The following SORCS3 variants were observed in gnomAD, a reference collection of about 807,000 sequenced individuals.
The protein encoded by SORCS3 is sortilin related VPS10 domain containing receptor 3.
Under a neutral mutation model 146.3 loss-of-function variants are expected in SORCS3, and 57 were observed. The observed-to-expected ratio is 0.39, with a 90% confidence interval of 0.31 to 0.49. The LOEUF is 0.49. Ranked by LOEUF, SORCS3 falls within the 20% of genes least tolerant of loss-of-function variation. The pLI is 0.92. For missense variants in SORCS3, 1,341 were observed against 1,575.5 expected (o/e 0.85, Z 2.52); for synonymous variants, 653 against 618.5 (o/e 1.06, Z -0.83).
At chr10:104,747,030 A>G (rs186813161) in intron 1 of SORCS3, among the ~76,000 whole-genome samples, 1 of 152,338 alleles carries the variant, frequency 6.6e-6, no homozygotes, top group East Asian at 1.9e-4. Flanking sequence ...GCAGGGATTC[A>G]ACTCCAAGTC....
chr10:104,867,316 T>C (rs1490632023), intron 2 of SORCS3, among the ~76,000 whole-genome samples: 9 of 151,456 alleles, frequency 5.9e-5, no homozygotes, highest in Non-Finnish European at 1.2e-4. Flanking sequence ...ACAATTTTTT[T>C]TTTTTTTTTT....
intron 4 of SORCS3, among the ~76,000 whole-genome samples, chr10:105,036,046 C>T (rs1421952091): frequency 1.3e-5 from 2 of 152,122 alleles, no homozygotes; most frequent in Non-Finnish European, 2.9e-5. Flanking sequence ...CACTTCTGCT[C>T]TTTTTCTCTT....
intron 20 of SORCS3, among the ~76,000 whole-genome samples, chr10:105,241,205 C>T (rs943380218): frequency 5.3e-5 from 8 of 152,172 alleles, no homozygotes; most frequent in South Asian, 2.1e-4. Context: ...TCACTGAACT[C>T]GCAGCAGTGG....
chr10:105,121,391 T>G (rs1374527538), intron 7 of SORCS3, among the ~76,000 whole-genome samples: 1 of 152,178 alleles, frequency 6.6e-6, no homozygotes, highest in African/African-American at 2.4e-5. Context: ...CAGTGAAATA[T>G]AGGTAATCAC....
Position 104,642,022 on chromosome 10 carries a change from G to C in SORCS3, c.627+68G>C. ...CGAAGGGGAATGGGGGGGTGGGTGG[G>C]AGCGAGGGACAGATAGTTGCTCGGG... On this transcript the variant is annotated intron_variant, in intron 1 of 26. Coordinates refer to ENST00000369701, the MANE Select transcript of SORCS3 (RefSeq NM_014978.3). The C allele has an allele frequency of 5.8e-5, 10 of 173,328 alleles. 1 individual carries two copies. The highest frequency in any genetic ancestry group is 7.8e-5 in the Non-Finnish European group (7 of 89,786). The allele number at this position is 173,328 out of a possible 1,614,324, so 10.7% of individuals were successfully genotyped here.
chr10:104,883,982 G>GGA (rs201737188), intron 2 of SORCS3, among the ~76,000 whole-genome samples: 84 of 151,846 alleles, frequency 5.5e-4, no homozygotes, highest in African/African-American at 1.9e-3. Context: ...GAATGAGGGG[G>GGA]GGGAAAGGGT....
intron 1 of SORCS3, among the ~76,000 whole-genome samples, chr10:104,785,933 T>C (rs1181621394): frequency 1.3e-5 from 2 of 152,236 alleles, no homozygotes; most frequent in African/African-American, 2.4e-5. Flanking sequence ...CGCATGGACC[T>C]GTGGTGTTAG....
intron 11 of SORCS3, among the ~76,000 whole-genome samples, chr10:105,163,916 AC>A: frequency 6.6e-6 from 1 of 150,398 alleles, no homozygotes; most frequent in African/African-American, 2.5e-5. Context: ...ACACACACAC[AC>A]ACACCAGTTT....
At chr10:104,664,526 C>A (rs1289617266) in intron 1 of SORCS3, 1 of 152,174 alleles carries the variant, frequency 6.6e-6, no homozygotes, top group Admixed American at 6.5e-5. Flanking sequence ...CAGCCATGTC[C>A]TGCTTATGTC....
intron 3 of SORCS3, among the ~76,000 whole-genome samples, chr10:104,968,614 A>G (rs556171462): frequency 4.2e-4 from 64 of 152,330 alleles, no homozygotes; most frequent in African/African-American, 1.4e-3. Context: ...AGAATGATGA[A>G]CAAAACAAAA....
intron 1 of SORCS3, among the ~76,000 whole-genome samples, chr10:104,792,281 G>A (rs955570598): frequency 2.0e-5 from 3 of 152,160 alleles, no homozygotes; most frequent in South Asian, 2.1e-4. Context: ...GATGTCTCTG[G>A]GCAGTAGGGC....
At chr10:105,243,758 C>G (rs1169575266) in intron 20 of SORCS3, among the ~76,000 whole-genome samples, 2 of 152,128 alleles carry the variant, frequency 1.3e-5, no homozygotes, top group East Asian at 1.9e-4. Context: ...CTGCCCAACT[C>G]CAGCCATCAA....
At chr10:105,117,629 C>G (rs934826034) in intron 7 of SORCS3, among the ~76,000 whole-genome samples, 2 of 152,142 alleles carry the variant, frequency 1.3e-5, no homozygotes, top group Admixed American at 6.5e-5. Context: ...GTAAAACTTT[C>G]TTTGAACCTA....
chr10:105,162,018 G>A (rs1002398067), intron 11 of SORCS3, among the ~76,000 whole-genome samples: 3 of 152,044 alleles, frequency 2.0e-5, no homozygotes, highest in African/African-American at 4.8e-5. Flanking sequence ...CCCCTGCAGG[G>A]GCAAGTTGCT....
chr10:104,701,525 C>T (rs920568486), intron 1 of SORCS3, among the ~76,000 whole-genome samples: 12 of 152,176 alleles, frequency 7.9e-5, no homozygotes, highest in South Asian at 2.1e-4. Context: ...GTGAGCCCAA[C>T]GGATCGTAGC....
chr10:104,996,429 G>A (rs2055027734), intron 4 of SORCS3, among the ~76,000 whole-genome samples: 1 of 151,826 alleles, frequency 6.6e-6, no homozygotes, highest in South Asian at 2.1e-4. Context: ...CTTTTAATCA[G>A]GTTTATTCCT....
intron 1 of SORCS3, among the ~76,000 whole-genome samples, chr10:104,831,420 A>G (rs533403548): frequency 6.6e-6 from 1 of 152,298 alleles, no homozygotes; most frequent in African/African-American, 2.4e-5. Context: ...TTACCCCAAA[A>G]GTGATGGAAG....
At chr10:104,789,982 C>T (rs947341847) in intron 1 of SORCS3, among the ~76,000 whole-genome samples, 1 of 152,208 alleles carries the variant, frequency 6.6e-6, no homozygotes, top group African/African-American at 2.4e-5. Flanking sequence ...ACTCAGGATT[C>T]TGTGCCAATG....
intron 1 of SORCS3, among the ~76,000 whole-genome samples, chr10:104,764,002 C>CTTTT (rs58439388): frequency 7.0e-6 from 1 of 142,878 alleles, no homozygotes. Flanking sequence ...TCAATTAAAC[C>CTTTT]TTTTTTTTTT....
Sources: allele counts gnomAD v4.1 joint callset (sites outside exome capture counted in the v4.1 genomes callset), GRCh38; gene constraint gnomAD v4.1.1; transcripts MANE v1.5; gene names NCBI Gene and HGNC (gene_info 2026-07-23, HGNC 2026-07-21).